ERBB4: variants seen among roughly 807,000 people sequenced by gnomAD.
ERBB4 encodes erb-b2 receptor tyrosine kinase 4.
Under a neutral mutation model 158.0 loss-of-function variants are expected in ERBB4, and 42 were observed. The observed-to-expected ratio is 0.27, with a 90% CI of 0.21 to 0.34. The LOEUF is 0.34. ERBB4 is among the 10% of genes least tolerant of loss of function. The pLI, the probability that ERBB4 is intolerant of heterozygous loss-of-function variation, is 1.00. For missense variants in ERBB4, 1,333 were observed against 1,624.1 expected (o/e 0.82, Z 3.08); for synonymous variants, 583 against 558.7 (o/e 1.04, Z -0.61).
chr2:212,316,974 G>A (rs2087314351), intron 1 of ERBB4, among the ~76,000 whole-genome samples: 1 of 151,502 alleles, frequency 6.6e-6, no homozygotes, highest in Non-Finnish European at 1.5e-5. Flanking sequence ...TTATATTAAA[G>A]ATAACTAGAT....
intron 2 of ERBB4, among the ~76,000 whole-genome samples, chr2:212,016,699 G>C (rs1431255590): frequency 6.6e-6 from 1 of 151,948 alleles, no homozygotes; most frequent in East Asian, 1.9e-4. Flanking sequence ...TATATTTTCA[G>C]TTAATAAGCT....
chr2:212,344,917 A>G (rs2088908809), intron 1 of ERBB4, among the ~76,000 whole-genome samples: 3 of 152,146 alleles, frequency 2.0e-5, no homozygotes, highest in South Asian at 4.1e-4. Context: ...TAATGGTAGT[A>G]CATCTCTCAT....
At chr2:212,053,835 C>T (rs559442026) in intron 2 of ERBB4, among the ~76,000 whole-genome samples, 3 of 152,200 alleles carry the variant, frequency 2.0e-5, no homozygotes, top group Non-Finnish European at 4.4e-5. Context: ...AATTCTTCCA[C>T]AGGGTTTTTA....
At position 211,934,926 on chromosome 2, in the gene ERBB4, T is replaced by TAA. The variant is rs34614862; in HGVS notation, c.421+12502_421+12503dup. On this transcript the variant is annotated intron_variant, in intron 3 of 27. Coordinates refer to ENST00000342788, the MANE Select transcript of ERBB4 (RefSeq NM_005235.3). ...TACACTAAGCAAAGTCTCATTCAGC[T>TAA]AAAAAAAAAAAAAAACTGCCTTGAA... Among the ~76,000 whole-genome samples the TAA allele has an allele frequency of 4.5e-4, 39 of 86,632 alleles. 2 individuals carry two copies. Among genetic ancestry groups the TAA allele is most frequent in the African/African-American group, 7.5e-4 (19 of 25,264 alleles). 56.8% of individuals were successfully genotyped at this position (86,632 alleles called of 152,430 possible).
intron 3 of ERBB4, among the ~76,000 whole-genome samples, chr2:211,893,006 A>G (rs1296056256): frequency 1.4e-5 from 2 of 148,076 alleles, no homozygotes; most frequent in Non-Finnish European, 3.0e-5. Flanking sequence ...TACAGATTCA[A>G]TGCCATCCCC....
At chr2:211,857,910 C>T (rs1178806793) in intron 3 of ERBB4, among the ~76,000 whole-genome samples, 1 of 152,176 alleles carries the variant, frequency 6.6e-6, no homozygotes, top group Non-Finnish European at 1.5e-5. Context: ...GATCTCACAA[C>T]AATAAATCCT....
intron 1 of ERBB4, among the ~76,000 whole-genome samples, chr2:212,131,410 A>G (rs2080104016): frequency 6.6e-6 from 1 of 152,198 alleles, no homozygotes; most frequent in Non-Finnish European, 1.5e-5. Context: ...ATCTGTAGTC[A>G]TCTTTTCTCA....
chr2:211,512,135 C>T (rs1287653814), intron 20 of ERBB4, among the ~76,000 whole-genome samples: 3 of 152,120 alleles, frequency 2.0e-5, no homozygotes. Flanking sequence ...TGGCAACATT[C>T]AATTTGGAAC....
At chr2:212,111,952 ACATAGTGC>A (rs1398935152) in intron 2 of ERBB4, among the ~76,000 whole-genome samples, 1 of 152,158 alleles carries the variant, frequency 6.6e-6, no homozygotes, top group Non-Finnish European at 1.5e-5. Flanking sequence ...TCTTTACAAA[ACATAGTGC>A]CATGAATTTC....
At chr2:212,100,380 T>G (rs991048449) in intron 2 of ERBB4, among the ~76,000 whole-genome samples, 1 of 152,214 alleles carries the variant, frequency 6.6e-6, no homozygotes, top group Non-Finnish European at 1.5e-5. Context: ...CAAATTGTTC[T>G]CCCTTATCAC....
At chr2:212,059,415 C>T (rs1453840980) in intron 2 of ERBB4, among the ~76,000 whole-genome samples, 1 of 152,170 alleles carries the variant, frequency 6.6e-6, no homozygotes, top group African/African-American at 2.4e-5. Flanking sequence ...CTACCAATGA[C>T]TTTCTTCACA....
intron 19 of ERBB4, among the ~76,000 whole-genome samples, chr2:211,612,261 A>G (rs1278472907): frequency 6.6e-6 from 1 of 152,092 alleles, no homozygotes; most frequent in Non-Finnish European, 1.5e-5. Flanking sequence ...CAGACAATTA[A>G]CCAAGTAGTT....
chr2:211,571,442 T>C (rs893095043), intron 19 of ERBB4, among the ~76,000 whole-genome samples: 5 of 152,120 alleles, frequency 3.3e-5, no homozygotes, highest in African/African-American at 1.2e-4. Flanking sequence ...AGATAAAAAA[T>C]AAAATCCATT....
intron 1 of ERBB4, among the ~76,000 whole-genome samples, chr2:212,502,914 G>A (rs567442375): frequency 4.1e-4 from 63 of 152,070 alleles, no homozygotes; most frequent in African/African-American, 1.3e-3. Flanking sequence ...GGGACTACAG[G>A]AACATGCCAC....
chr2:212,410,281 A>C (rs772868071), intron 1 of ERBB4, among the ~76,000 whole-genome samples: 1 of 147,356 alleles, frequency 6.8e-6, no homozygotes, highest in Admixed American at 6.7e-5. Flanking sequence ...AGAGTAAAGA[A>C]CAATAGTAAA....
intron 9 of ERBB4, among the ~76,000 whole-genome samples, chr2:211,711,584 T>A (rs888228066): frequency 1.3e-5 from 2 of 152,082 alleles, no homozygotes; most frequent in Non-Finnish European, 2.9e-5. Context: ...AAATAACACA[T>A]CAGGACAAAG....
At chr2:212,311,101 A>G (rs907564359) in intron 1 of ERBB4, among the ~76,000 whole-genome samples, 1 of 150,720 alleles carries the variant, frequency 6.6e-6, no homozygotes, top group Non-Finnish European at 1.5e-5. Flanking sequence ...TTGTTTACCT[A>G]TTTCTAATGA....
At chr2:211,801,222 G>A (rs1033749334) in intron 3 of ERBB4, among the ~76,000 whole-genome samples, 6 of 151,960 alleles carry the variant, frequency 3.9e-5, no homozygotes, top group African/African-American at 1.2e-4. Context: ...CACTGTAAAG[G>A]TAAATTGGAT....
intron 3 of ERBB4, among the ~76,000 whole-genome samples, chr2:211,806,984 A>G (rs753031379): frequency 1.3e-5 from 2 of 152,144 alleles, no homozygotes; most frequent in Non-Finnish European, 2.9e-5. Flanking sequence ...TATCTTTTAC[A>G]CAACAAAAAC....
Sources: gnomAD v4.1 joint callset for allele counts (sites outside exome capture counted in the v4.1 genomes callset) on GRCh38, gnomAD v4.1.1 for gene constraint, MANE v1.5 for transcripts, NCBI Gene and HGNC (gene_info 2026-07-23, HGNC 2026-07-21) for gene names.